Variants in TNIP3 observed in about 807,000 individuals in gnomAD.
TNIP3 encodes TNFAIP3 interacting protein 3, also known as TNFAIP3-interacting protein 3.
TNIP3 carries 34 observed loss-of-function variants against 54.1 expected under a neutral mutation model. That is an observed-to-expected ratio of 0.63 (90% CI 0.48 to 0.84). The LOEUF (loss-of-function observed/expected upper bound fraction) is 0.84. TNIP3 is among the 40% of genes least tolerant of loss of function. The pLI is 0.00. For synonymous variants in TNIP3, 134 were observed against 136.8 expected (o/e 0.98, Z 0.14); for missense variants, 366 against 387.6 (o/e 0.94, Z 0.47).
chr4:121,182,629 C>T (rs1468760734), intron 3 of TNIP3: 2 of 1,527,066 alleles, frequency 1.3e-6, no homozygotes, highest in Non-Finnish European at 1.7e-6. Flanking sequence ...GATGAATAAA[C>T]TGCTGAAGGG....
intron 2 of TNIP3, among the ~76,000 whole-genome samples, chr4:121,210,861 AAT>A (rs1726444059): frequency 1.3e-5 from 2 of 152,308 alleles, no homozygotes; most frequent in South Asian, 4.1e-4. Flanking sequence ...TCAACATACG[AAT>A]TTAGGGGGAC....
intron 2 of TNIP3, among the ~76,000 whole-genome samples, chr4:121,190,245 C>T (rs1335454015): frequency 1.3e-5 from 2 of 152,236 alleles, no homozygotes; most frequent in South Asian, 4.1e-4. Context: ...TTTTGCCTGG[C>T]GTGTTTACTC....
intron 1 of TNIP3, among the ~76,000 whole-genome samples, chr4:121,226,835 T>A (rs1348560288): frequency 3.3e-5 from 5 of 152,212 alleles, no homozygotes; most frequent in Non-Finnish European, 7.3e-5. Context: ...AAATACATTC[T>A]TTTAGAATGT....
At position 121,222,804 on chromosome 4, in the gene TNIP3, G is replaced by GTTTTTTTTTTTTT. The variant is rs138758827; in HGVS notation, c.3+4568_3+4580dup. On this transcript the variant is annotated intron_variant, in intron 1 of 12. Transcript: ENST00000509841. The stretch of plus-strand genomic sequence containing the variant: ...GTGGAGCTGAGGGTGTTTTTTGTGC[G>GTTTTTTTTTTTTT]TTTTTTTTTTTTTTTTTTTGAGACG... Among the ~76,000 whole-genome samples, 2 of 105,766 alleles carry GTTTTTTTTTTTTT rather than the reference G, an allele frequency of 1.9e-5. 1 individual carries two copies. 69.4% of individuals were successfully genotyped at this position (105,766 alleles called of 152,430 possible).
chr4:121,139,455 A>G (rs1420766786), intron 9 of TNIP3, among the ~76,000 whole-genome samples: 6 of 152,210 alleles, frequency 3.9e-5, no homozygotes, highest in Admixed American at 2.0e-4. Context: ...CTGCCCACAA[A>G]GCAGGTCTGT....
chr4:121,139,436 C>G (rs1413028104), intron 9 of TNIP3, among the ~76,000 whole-genome samples: 1 of 152,206 alleles, frequency 6.6e-6, no homozygotes, highest in Non-Finnish European at 1.5e-5. Context: ...GGAGCAATCT[C>G]AGCTTTACCT....
rs980594803 is a variant in TNIP3 at position 121,158,287 on chromosome 4, G to A, written c.213+400C>T. 2.6e-5 allele frequency among the ~76,000 whole-genome samples: 4 copies of A among 152,146 alleles called. 1 individual carries two copies. The highest frequency in any genetic ancestry group is 9.7e-5 in the African/African-American group (4 of 41,432). ...TCTCTATTTGTGGAAAATAGGTCAT[G>A]CTATCTAATTAAAGAATTAGGGCTA... On this transcript the variant is annotated intron_variant, in intron 3 of 10. Transcript: ENST00000057513.
chr4:121,160,520 T>G (rs1309831866), intron 2 of TNIP3, among the ~76,000 whole-genome samples: 3 of 150,806 alleles, frequency 2.0e-5, no homozygotes, highest in Non-Finnish European at 4.4e-5. Flanking sequence ...ATATACAGAG[T>G]GCTAAAATTG....
chr4:121,160,951 A>C (rs116108178), intron 2 of TNIP3, among the ~76,000 whole-genome samples, 185 bp downstream of exon 2: 3,696 of 152,310 alleles, frequency 0.024, 143 homozygotes, highest in African/African-American at 0.083. Flanking sequence ...ACACTGAGAC[A>C]ACAAGTATGA....
chr4:121,137,448 GT>G (rs1288771445), intron 10 of TNIP3: 2 of 152,422 alleles, frequency 1.3e-5, no homozygotes, highest in East Asian at 3.8e-4. Context: ...GTCCTATAGT[GT>G]TTTGATAAAT....
At chr4:121,213,875 TG>T (rs1579504796) in intron 2 of TNIP3, among the ~76,000 whole-genome samples, 2 of 152,110 alleles carry the variant, frequency 1.3e-5, no homozygotes, top group Non-Finnish European at 2.9e-5. Context: ...ACATGTTGAG[TG>T]GGACTGCTTT....
chr4:121,167,586 C>A (rs1043861304), upstream of TNIP3, among the ~76,000 whole-genome samples: 2 of 152,064 alleles, frequency 1.3e-5, no homozygotes, highest in African/African-American at 4.8e-5. Context: ...TGGATGAAAT[C>A]ATAAAAGATT....
chr4:121,209,799 A>G (rs978857411), intron 2 of TNIP3, among the ~76,000 whole-genome samples: 3 of 152,154 alleles, frequency 2.0e-5, no homozygotes, highest in African/African-American at 7.2e-5. Flanking sequence ...TGCAACTTTT[A>G]TTCACTCACT....
At chr4:121,215,197 GATTTTC>G (rs1164550114) in intron 2 of TNIP3, among the ~76,000 whole-genome samples, 2 of 152,040 alleles carry the variant, frequency 1.3e-5, no homozygotes, top group Non-Finnish European at 2.9e-5. Flanking sequence ...GTCAAGTCAT[GATTTTC>G]ATATTGAAAG....
chr4:121,174,674 GA>G (rs138735153), intron 3 of TNIP3, among the ~76,000 whole-genome samples: 2,692 of 145,078 alleles, frequency 0.019, 69 homozygotes, highest in African/African-American at 0.062. Flanking sequence ...TTCCTCACTG[GA>G]AAAAAAAAAG....
intron 3 of TNIP3, among the ~76,000 whole-genome samples, chr4:121,173,274 G>C (rs1724082394): frequency 6.6e-6 from 1 of 152,196 alleles, no homozygotes; most frequent in African/African-American, 2.4e-5. Flanking sequence ...GTTTTTGAGG[G>C]ATAGATATGA....
intron 1 of TNIP3, among the ~76,000 whole-genome samples, chr4:121,162,402 T>A (rs769218941): frequency 6.6e-5 from 10 of 152,168 alleles, no homozygotes; most frequent in Non-Finnish European, 1.0e-4. Flanking sequence ...GTCAATAAAT[T>A]CTGAATGATT....
intron 3 of TNIP3, among the ~76,000 whole-genome samples, chr4:121,158,398 G>A (rs1730239493): frequency 6.6e-6 from 1 of 152,208 alleles, no homozygotes; most frequent in Admixed American, 6.5e-5. Flanking sequence ...ACAAAGGTAA[G>A]GCTGGGATAC....
chr4:121,183,692 T>C (rs1295792370), intron 2 of TNIP3, among the ~76,000 whole-genome samples: 1 of 152,080 alleles, frequency 6.6e-6, no homozygotes, highest in East Asian at 1.9e-4. Context: ...CAAATCCTAT[T>C]GCGAACTGCA....
Sources: allele counts gnomAD v4.1 joint callset (sites outside exome capture counted in the v4.1 genomes callset), GRCh38; gene constraint gnomAD v4.1.1; transcripts MANE v1.5; gene names NCBI Gene and HGNC (gene_info 2026-07-23, HGNC 2026-07-21).